MYO6: variants seen among roughly 807,000 people sequenced by gnomAD.
MYO6 encodes the protein myosin VI.
MYO6 carries 74 observed loss-of-function variants against 178.7 expected under a neutral mutation model. That is an observed-to-expected ratio of 0.41 (90% confidence interval 0.34 to 0.50). MYO6 has a LOEUF of 0.50. Among genes scored for constraint, MYO6 ranks in the 20% least tolerant of loss-of-function variants. MYO6 has a pLI of 0.09. For synonymous variants in MYO6, 477 were observed against 504.6 expected (o/e 0.95, Z 0.73); for missense variants, 1,330 against 1,547.4 (o/e 0.86, Z 2.36).
intron 16 of MYO6, 89 bp from the exon 17 acceptor site, chr6:75,866,437 A>C (rs975484359): frequency 1.5e-5 from 15 of 1,025,258 alleles, no homozygotes; most frequent in Non-Finnish European, 1.8e-5. Flanking sequence ...GTATAATTTT[A>C]AGTGTTTTAC....
chr6:75,879,303 T>G (rs546661775), intron 20 of MYO6, among the ~76,000 whole-genome samples: 1 of 152,252 alleles, frequency 6.6e-6, no homozygotes, highest in African/African-American at 2.4e-5. Flanking sequence ...TGGAATACAG[T>G]GTCCTGCAAG....
intron 1 of MYO6, among the ~76,000 whole-genome samples, chr6:75,761,514 A>G (rs1777940916): frequency 6.6e-6 from 1 of 151,926 alleles, no homozygotes; most frequent in Admixed American, 6.6e-5. Flanking sequence ...TGGTGATTTT[A>G]GTAAGTCATT....
At chr6:75,869,362 A>C (rs1776955788) in intron 18 of MYO6, among the ~76,000 whole-genome samples, 1 of 152,142 alleles carries the variant, frequency 6.6e-6, no homozygotes, top group Non-Finnish European at 1.5e-5. Context: ...ATTTGGTGTC[A>C]GGCCGATGTT....
At chr6:75,853,898 C>G (rs945275746) in intron 11 of MYO6, among the ~76,000 whole-genome samples, 3 of 151,498 alleles carry the variant, frequency 2.0e-5, no homozygotes, top group Admixed American at 2.0e-4. Context: ...CATACATAAC[C>G]TCATTAATCT....
chr6:75,828,484 CTTTAT>C (rs1377351245), intron 3 of MYO6, 51 bp from the exon 4 acceptor site: 29 of 1,057,754 alleles, frequency 2.7e-5, no homozygotes, highest in Middle Eastern at 2.6e-4. Context: ...GATAGTATTG[CTTTAT>C]TTTATTTGTT....
At chr6:75,784,776 C>CAAAAAAAA (rs754218278) in intron 1 of MYO6, among the ~76,000 whole-genome samples, 2 of 54,404 alleles carry the variant, frequency 3.7e-5, no homozygotes, top group African/African-American at 1.3e-4. Context: ...GACTCCGTCT[C>CAAAAAAAA]AAAAAAAAAA....
At chr6:75,842,131 A>G (rs1404752387) in intron 9 of MYO6, among the ~76,000 whole-genome samples, 1 of 152,180 alleles carries the variant, frequency 6.6e-6, no homozygotes, top group African/African-American at 2.4e-5. Flanking sequence ...CCAGGATTAA[A>G]AAGATAAATA....
intron 1 of MYO6, among the ~76,000 whole-genome samples, chr6:75,756,066 A>G (rs1777320676): frequency 1.3e-5 from 2 of 152,188 alleles, no homozygotes; most frequent in Non-Finnish European, 2.9e-5. Flanking sequence ...TCCATCATTT[A>G]TCACACTTTT....
intron 1 of MYO6, among the ~76,000 whole-genome samples, chr6:75,793,716 T>A (rs1768487731): frequency 6.6e-6 from 1 of 152,236 alleles, no homozygotes. Context: ...TATAAAGATG[T>A]GTTTCCTTGT....
intron 15 of MYO6, among the ~76,000 whole-genome samples, chr6:75,861,396 T>A (rs140116803): frequency 8.2e-4 from 125 of 152,356 alleles, no homozygotes; most frequent in African/African-American, 2.8e-3. Flanking sequence ...TAAAGACATT[T>A]ATTCACCTGA....
chr6:75,764,916 G>A (rs1392558198), intron 1 of MYO6, among the ~76,000 whole-genome samples: 1 of 151,304 alleles, frequency 6.6e-6, no homozygotes, highest in Non-Finnish European at 1.5e-5. Flanking sequence ...GGAGAATGGC[G>A]TGAATCCAGG....
chr6:75,882,857 A>G (rs540843572), intron 23 of MYO6, among the ~76,000 whole-genome samples: 1 of 152,310 alleles, frequency 6.6e-6, no homozygotes, highest in East Asian at 1.9e-4. Flanking sequence ...ATAAACACAT[A>G]TTATTGTGGT....
chr6:75,794,541 A>C (rs574485557), intron 1 of MYO6, among the ~76,000 whole-genome samples: 132 of 152,298 alleles, frequency 8.7e-4, no homozygotes, highest in African/African-American at 3.0e-3. Context: ...GAACTCAATT[A>C]TATGTGTGTG....
intron 1 of MYO6, among the ~76,000 whole-genome samples, chr6:75,775,047 G>A (rs1766247339): frequency 6.6e-6 from 1 of 152,138 alleles, no homozygotes; most frequent in Non-Finnish European, 1.5e-5. Context: ...GCCCGCCTCA[G>A]CCTCCCAAAG....
chr6:75,839,159 G>A (rs2150244560), intron 7 of MYO6, among the ~76,000 whole-genome samples: 1 of 152,036 alleles, frequency 6.6e-6, no homozygotes, highest in Admixed American at 6.6e-5. Context: ...TAAGAAATAT[G>A]ACTTCATGTT....
At chr6:75,793,573 C>T (rs1424483161) in intron 1 of MYO6, among the ~76,000 whole-genome samples, 3 of 151,570 alleles carry the variant, frequency 2.0e-5, no homozygotes, top group Non-Finnish European at 4.4e-5. Flanking sequence ...CACTACCCTC[C>T]AGCCTGGGCG....
chr6:75,771,916 G>A (rs1360645121), intron 1 of MYO6, among the ~76,000 whole-genome samples: 1 of 152,122 alleles, frequency 6.6e-6, no homozygotes, highest in Non-Finnish European at 1.5e-5. Flanking sequence ...TAACCAGAAT[G>A]TTTTAAAAAT....
At chr6:75,877,662 G>T (rs1360228284) in intron 20 of MYO6, among the ~76,000 whole-genome samples, 1 of 151,930 alleles carries the variant, frequency 6.6e-6, no homozygotes, top group Non-Finnish European at 1.5e-5. Flanking sequence ...GGGCTGTGCT[G>T]CCTGTCTTGT....
chr6:75,890,065 G>C lies in MYO6; in HGVS notation c.2667G>C (p.Met889Ile). The change falls in exon 26 of 35, where the codon ATG becomes ATC. Residue 889 changes from methionine (M) to isoleucine (I), a missense_variant. This residue lies in a region of MYO6 where 601 missense variants were observed against 626.1 expected (regional missense o/e 0.96). Coordinates refer to ENST00000369977, the MANE Select transcript of MYO6 (RefSeq NM_004999.4). Reference protein sequence around the residue: ...DTLMAKIKSTMMTQEQIQKEY... With the variant: ...DTLMAKIKSTIMTQEQIQKEY... Reference sequence around the variant, plus strand: ...TATTTTATTTTTTAAAGTCCACTATGATGACGCAGGAACAAATCCAGAAAG... The same window carrying C: ...TATTTTATTTTTTAAAGTCCACTATCATGACGCAGGAACAAATCCAGAAAG... 6.2e-7 allele frequency: 1 copy of C among 1,612,156 alleles called. No individual in the cohort carries two copies. The highest frequency in any genetic ancestry group is 1.1e-5 in the South Asian group (1 of 90,996).
Sources: gnomAD v4.1 joint callset for allele counts (sites outside exome capture counted in the v4.1 genomes callset) on GRCh38, gnomAD v4.1.1 for gene constraint, gnomAD v4.1.1 regional missense constraint, MANE v1.5 for transcripts, NCBI Gene and HGNC (gene_info 2026-07-23, HGNC 2026-07-21) for gene names.